Variants in KIF26B observed in about 807,000 individuals in gnomAD.
KIF26B encodes kinesin-like protein KIF26B.
A neutral mutation model predicts 151.2 loss-of-function variants in KIF26B; 63 were observed. The observed-to-expected ratio is 0.42, with a 90% CI of 0.34 to 0.51. KIF26B has a LOEUF of 0.51. Ranked by LOEUF, KIF26B falls within the 20% of genes least tolerant of loss-of-function variation. The probability of loss-of-function intolerance (pLI) is 0.07; values close to 1 mark genes in which losing one functional copy is unlikely to be tolerated. For missense variants in KIF26B, 2,813 were observed against 2,913.6 expected (o/e 0.97, Z 0.79); for synonymous variants, 1,357 against 1,262.1 (o/e 1.08, Z -1.59).
intron 2 of KIF26B, among the ~76,000 whole-genome samples, chr1:245,339,019 C>T (rs1672287763): frequency 6.8e-6 from 1 of 148,132 alleles, no homozygotes. Context: ...CTCGCTCTGT[C>T]CAGGTTGGAG....
intron 12 of KIF26B, among the ~76,000 whole-genome samples, chr1:245,694,771 G>T (rs2044669021): frequency 6.6e-6 from 1 of 152,242 alleles, no homozygotes; most frequent in Admixed American, 6.5e-5. Context: ...TTTCACTGAA[G>T]TATCAGTGTT....
chr1:245,302,988 CA>C (rs74163037), intron 2 of KIF26B, among the ~76,000 whole-genome samples: 83 of 35,814 alleles, frequency 2.3e-3, no homozygotes, highest in East Asian at 4.4e-3. Context: ...GACTCTGTCT[CA>C]AAAAAAAAAA....
At chr1:245,295,131 A>G (rs1351764105) in intron 2 of KIF26B, among the ~76,000 whole-genome samples, 2 of 152,196 alleles carry the variant, frequency 1.3e-5, no homozygotes, top group Non-Finnish European at 2.9e-5. Flanking sequence ...AAGCATAAAC[A>G]TGTTTTTAAA....
At chr1:245,567,886 G>A (rs2043025776) in intron 5 of KIF26B, among the ~76,000 whole-genome samples, 1 of 152,064 alleles carries the variant, frequency 6.6e-6, no homozygotes, top group African/African-American at 2.4e-5. Context: ...CAAGGGAAAT[G>A]AAAAGTTCTT....
chr1:245,310,623 CTCAT>C (rs2102982125), intron 2 of KIF26B, among the ~76,000 whole-genome samples: 1 of 152,344 alleles, frequency 6.6e-6, no homozygotes, highest in South Asian at 2.1e-4. Flanking sequence ...GTATTGGAAG[CTCAT>C]TCAGATGTTG....
intron 2 of KIF26B, among the ~76,000 whole-genome samples, chr1:245,249,796 G>A (rs965632489): frequency 2.0e-5 from 3 of 152,038 alleles, no homozygotes; most frequent in South Asian, 4.2e-4. Flanking sequence ...ATTTATTTTG[G>A]ATACTGAATG....
chr1:245,162,305 C>T (rs568826346), intron 2 of KIF26B, among the ~76,000 whole-genome samples: 10 of 150,660 alleles, frequency 6.6e-5, no homozygotes, highest in East Asian at 3.9e-4. Flanking sequence ...GTTATTGTGG[C>T]GAAGGAGCAC....
intron 2 of KIF26B, among the ~76,000 whole-genome samples, chr1:245,334,640 T>C (rs1672185547): frequency 6.6e-6 from 1 of 152,172 alleles, no homozygotes; most frequent in Admixed American, 6.5e-5. Flanking sequence ...GGGCATCTTC[T>C]GGAGAGGAGT....
chr1:245,285,640 GAAAAA>G (rs68008343), intron 2 of KIF26B, among the ~76,000 whole-genome samples: 15 of 131,134 alleles, frequency 1.1e-4, no homozygotes, highest in Non-Finnish European at 2.0e-4. Flanking sequence ...TCCTAAAATT[GAAAAA>G]AAAAAAAAAA....
At chr1:245,460,175 C>T (rs181840147) in intron 4 of KIF26B, among the ~76,000 whole-genome samples, 23 of 152,296 alleles carry the variant, frequency 1.5e-4, no homozygotes, top group African/African-American at 5.3e-4. Flanking sequence ...CCATGTTGGT[C>T]GGGCTGTCTC....
chr1:245,364,745 C>G (rs1672903996), intron 2 of KIF26B, among the ~76,000 whole-genome samples: 1 of 152,104 alleles, frequency 6.6e-6, no homozygotes, highest in Non-Finnish European at 1.5e-5. Flanking sequence ...AGAGCTGCCT[C>G]CTTTCTGTGG....
rs751413048 is a variant in KIF26B, at chr1:245,367,128, A to G, written c.760A>G (p.Thr254Ala). Residue 254 changes from threonine (T) to alanine (A), a missense_variant, in exon 3 of 15, where the codon ACC (threonine) becomes GCC (alanine). This residue lies in a region of KIF26B where 676 missense variants were observed against 688.1 expected (regional missense o/e 0.98). Coordinates refer to ENST00000407071, the MANE Select transcript of KIF26B (RefSeq NM_018012.4). This position sits in a 1 kb window ranked among gnomAD's most constrained non-coding sequence, Gnocchi z 4.2. Reference protein sequence around the residue: ...DWAFVPAPCATSNYTGFANKH... With the variant: ...DWAFVPAPCAASNYTGFANKH... ...GGCCTTTGTGCCCGCCCCCTGTGCC[A>G]CCTCCAACTACACAGGCTTCGCCAA... 3.8e-6 allele frequency: 6 copies of G among 1,597,622 alleles called. No homozygotes were observed. The Admixed American group carries it at 1.0e-4, about 28-fold the overall frequency.
At chr1:245,331,713 T>C (rs1672118935) in intron 2 of KIF26B, among the ~76,000 whole-genome samples, 1 of 152,228 alleles carries the variant, frequency 6.6e-6, no homozygotes, top group Non-Finnish European at 1.5e-5. Flanking sequence ...ATATTCACTG[T>C]GGACTATTAT....
chr1:245,474,786 T>A (rs1310596585), intron 4 of KIF26B, among the ~76,000 whole-genome samples: 5 of 151,726 alleles, frequency 3.3e-5, no homozygotes, highest in Non-Finnish European at 5.9e-5. Flanking sequence ...TCGTCTCCCA[T>A]CCCCGCTGCC....
intron 3 of KIF26B, among the ~76,000 whole-genome samples, chr1:245,369,199 C>G (rs1206592857): frequency 8.7e-4 from 117 of 134,012 alleles, no homozygotes; most frequent in Middle Eastern, 3.7e-3. Flanking sequence ...GAGAGAGAGA[C>G]AGACAGACAG....
In KIF26B at chr1:245,674,578, C is replaced by G. The variant is rs147140082; in HGVS notation, c.2259-9655C>G. ...GAGAAATCTATGGATCTATTATTTT[C>G]TATTTGTCTATAAAGTCCACTAATT... On this transcript the variant is annotated intron_variant, in intron 10 of 14. Transcript: ENST00000407071. Among the ~76,000 whole-genome samples, 9 of 152,248 alleles carry G rather than the reference C, an allele frequency of 5.9e-5. No individual in the cohort carries two copies. The East Asian group carries it at 1.4e-3, about 23-fold the overall frequency.
intron 2 of KIF26B, among the ~76,000 whole-genome samples, chr1:245,183,779 C>T (rs1668946334): frequency 6.6e-6 from 1 of 152,046 alleles, no homozygotes; most frequent in South Asian, 2.1e-4. Context: ...GCTTGACCTC[C>T]TCACCTGCAT....
intron 3 of KIF26B, among the ~76,000 whole-genome samples, chr1:245,381,443 A>G (rs749531300): frequency 6.6e-6 from 1 of 152,200 alleles, no homozygotes; most frequent in Non-Finnish European, 1.5e-5. Context: ...ACGCAGCCCA[A>G]CACGAGTTCG....
At chr1:245,337,371 G>A (rs1360168556) in intron 2 of KIF26B, among the ~76,000 whole-genome samples, 2 of 151,602 alleles carry the variant, frequency 1.3e-5, no homozygotes, top group African/African-American at 4.9e-5. Flanking sequence ...GGCGGGGGTC[G>A]GGGGTTCACC....
Sources: allele counts gnomAD v4.1 joint callset (sites outside exome capture counted in the v4.1 genomes callset), GRCh38; gene constraint gnomAD v4.1.1; regional missense constraint gnomAD v4.1.1; non-coding constraint Gnocchi (gnomAD v3.1); transcripts MANE v1.5; gene names NCBI Gene and HGNC (gene_info 2026-07-23, HGNC 2026-07-21).